Variants in SAMD4A observed in about 807,000 individuals in gnomAD.
SAMD4A encodes sterile alpha motif domain containing 4A, also known as protein Smaug homolog 1.
A neutral mutation model predicts 81.3 loss-of-function variants in SAMD4A; 33 were observed. That is an observed-to-expected ratio of 0.41 (90% CI 0.31 to 0.54). The LOEUF (loss-of-function observed/expected upper bound fraction) is 0.54. SAMD4A is among the 20% of genes least tolerant of loss of function. SAMD4A has a pLI of 0.37. For missense variants in SAMD4A, 854 were observed against 951.1 expected, an observed-to-expected ratio of 0.90 and a Z score of 1.34; for synonymous variants, 389 against 382.1, an observed-to-expected ratio of 1.02 and a Z score of -0.21.
At position 54,784,674 on chromosome 14, in the gene SAMD4A, G is replaced by A. The variant is rs2039088916; in HGVS notation, c.2128+54G>A. ...TGTCCCTGTTACCGTGTGCCTGGGAGAACTGGCCATCTGCTGTCTATACCG... is the reference window on the plus strand; with the variant it reads ...TGTCCCTGTTACCGTGTGCCTGGGAAAACTGGCCATCTGCTGTCTATACCG... On this transcript the variant is annotated intron_variant, in intron 12 of 12. Transcript: ENST00000554335. The A allele has an allele frequency of 2.7e-6, 4 of 1,487,544 alleles. No individual in the cohort carries two copies. In the Admixed American group the frequency reaches 6.7e-5, roughly 25 times the overall value. 92.1% of individuals were successfully genotyped at this position (1,487,544 alleles called of 1,614,324 possible).
chr14:54,702,577 A>C lies in SAMD4A; in HGVS notation c.712A>C (p.Thr238Pro). 1 of 1,613,718 alleles carries C rather than the reference A, an allele frequency of 6.2e-7. No homozygotes were observed. Among genetic ancestry groups the C allele is most frequent in the Non-Finnish European group, 8.5e-7 (1 of 1,179,688 alleles). ...TINTIGTSTS[T>P]ILSGQAHHSP... ...CAATACGATTGGAACCAGCACAAGT[A>C]CAAGTAAGTTCCCCGGAATCCCTTT... The change falls in exon 3 of 13, where the codon ACA becomes CCA. Residue 238 changes from threonine to proline, a missense_variant. Physicochemically the swap from Thr to Pro is conservative, Grantham distance 38. Around this residue, in one of 3 missense-constraint regions of SAMD4A, gnomAD observed 387 missense variants for 405.8 expected, o/e 0.95. Transcript: ENST00000554335.
chr14:54,601,255 GT>G (rs1415046162), intron 2 of SAMD4A, among the ~76,000 whole-genome samples: 1 of 152,072 alleles, frequency 6.6e-6, no homozygotes, highest in African/African-American at 2.4e-5. Flanking sequence ...TCTCATCTCT[GT>G]TTCCTGGTAG....
At position 54,789,376 on chromosome 14, in the gene SAMD4A, T is replaced by A. The variant is rs995215993; in HGVS notation, c.*432T>A. ...TTCACAGGCAGGCCACAGAAGGATATCGCGGGCACGTGCACCCAAAGCAAG... is the reference window on the plus strand; with the variant it reads ...TTCACAGGCAGGCCACAGAAGGATAACGCGGGCACGTGCACCCAAAGCAAG... On this transcript the variant is annotated 3_prime_UTR_variant, in exon 13 of 13. Coordinates refer to ENST00000554335, the MANE Select transcript of SAMD4A (RefSeq NM_015589.6). 9 of 193,844 alleles carry A rather than the reference T, an allele frequency of 4.6e-5. No individual in the cohort carries two copies. The East Asian group carries it at 8.1e-4, about 18-fold the overall frequency. 12.0% of individuals were successfully genotyped at this position (193,844 alleles called of 1,614,324 possible). A position where few individuals can be genotyped will look rare whatever the true frequency, so the allele number is the denominator to read the frequency against.
At chr14:54,756,171 A>T (rs920792321) in intron 6 of SAMD4A, among the ~76,000 whole-genome samples, 1 of 152,200 alleles carries the variant, frequency 6.6e-6, no homozygotes, top group African/African-American at 2.4e-5. Context: ...TATACTTTTT[A>T]AAAATGTTTC....
intron 2 of SAMD4A, among the ~76,000 whole-genome samples, chr14:54,571,393 T>C (rs993895971): frequency 1.3e-5 from 2 of 152,212 alleles, no homozygotes; most frequent in Non-Finnish European, 2.9e-5. Flanking sequence ...ACATTGAGAC[T>C]TCTGGCCAGT....
intron 2 of SAMD4A, among the ~76,000 whole-genome samples, chr14:54,604,387 G>A (rs1190183245): frequency 6.6e-6 from 1 of 152,228 alleles, no homozygotes; most frequent in Non-Finnish European, 1.5e-5. Context: ...CAGGTGATGG[G>A]AAGAGGCTCT....
chr14:54,681,427 CTTTA>C (rs1349374265), intron 2 of SAMD4A, among the ~76,000 whole-genome samples: 2 of 151,978 alleles, frequency 1.3e-5, no homozygotes, highest in African/African-American at 2.4e-5. Context: ...GATTATTTTA[CTTTA>C]TTTATTTTTC....
At chr14:54,746,177 T>C (rs2037963218) in intron 4 of SAMD4A, among the ~76,000 whole-genome samples, 1 of 152,196 alleles carries the variant, frequency 6.6e-6, no homozygotes, top group Non-Finnish European at 1.5e-5. Flanking sequence ...CTCACCACAA[T>C]CCAGAGGGTG....
In SAMD4A at chr14:54,685,360, C is replaced by T. The variant is rs961615326; in HGVS notation, c.197-16702C>T. Among the ~76,000 whole-genome samples, 12 of 149,726 alleles carry T rather than the reference C, an allele frequency of 8.0e-5. No homozygotes were observed. The East Asian group carries it at 2.1e-3, about 26-fold the overall frequency. ...ACAAGTGGAGTCATACAGCATTTGTCCTTTTGTGTCTAGCTTAATTAACTT... is the reference window on the plus strand; with the variant it reads ...ACAAGTGGAGTCATACAGCATTTGTTCTTTTGTGTCTAGCTTAATTAACTT... On this transcript the variant is annotated intron_variant, in intron 2 of 12. Coordinates refer to ENST00000554335, the MANE Select transcript of SAMD4A (RefSeq NM_015589.6).
intron 4 of SAMD4A, among the ~76,000 whole-genome samples, chr14:54,747,272 T>C (rs964233422): frequency 2.0e-5 from 3 of 152,360 alleles, no homozygotes; most frequent in African/African-American, 7.2e-5. Context: ...CCAATTTCAA[T>C]TCTCCAGAAA....
chr14:54,576,081 A>C (rs1444206714), intron 2 of SAMD4A, among the ~76,000 whole-genome samples: 1 of 133,562 alleles, frequency 7.5e-6, no homozygotes, highest in African/African-American at 3.0e-5. Flanking sequence ...AAGAGCAGGA[A>C]TGTTCATTCC....
chr14:54,675,884 G>C (rs567365969), intron 2 of SAMD4A, among the ~76,000 whole-genome samples: 1 of 152,204 alleles, frequency 6.6e-6, no homozygotes, highest in Admixed American at 6.5e-5. Context: ...GTCCTTGCTC[G>C]TGAGGTTTGG....
At position 54,775,655 on chromosome 14, in the gene SAMD4A, C is replaced by T. The variant is rs190245340; in HGVS notation, c.1917+520C>T. Among the ~76,000 whole-genome samples the T allele has an allele frequency of 2.7e-3, 408 of 152,182 alleles. 1 individual carries two copies. The highest frequency in any genetic ancestry group is 3.7e-3 in the Admixed American group (56 of 15,294). On this transcript the variant is annotated intron_variant, in intron 10 of 12. Coordinates refer to ENST00000554335, the MANE Select transcript of SAMD4A (RefSeq NM_015589.6). ...ACTTCTCTGGCCCGTCGCTCATACCCCTCTAGCCCCAGGCCCCACCCCTGC... is the reference window on the plus strand; with the variant it reads ...ACTTCTCTGGCCCGTCGCTCATACCTCTCTAGCCCCAGGCCCCACCCCTGC...
At chr14:54,681,859 C>A (rs1006065224) in intron 2 of SAMD4A, 1 of 985,126 alleles carries the variant, frequency 1.0e-6, no homozygotes, top group African/African-American at 1.7e-5. Context: ...AAAAGATAAG[C>A]GGTTTAAGTA....
chr14:54,645,878 A>G (rs1021300537), intron 2 of SAMD4A, among the ~76,000 whole-genome samples: 1 of 152,230 alleles, frequency 6.6e-6, no homozygotes, highest in Non-Finnish European at 1.5e-5. Flanking sequence ...GCCGTTTTTT[A>G]TATAGTCAGT....
rs2038811171 is a variant in SAMD4A at position 54,775,194 on chromosome 14, TGTCCCCCCAG to T, written c.1917+62_1917+71del. On this transcript the variant is annotated intron_variant, in intron 10 of 12. Transcript: ENST00000554335. ...CAAGCTCAAGGCCCAAGGCTGCAGA[TGTCCCCCCAG>T]GTGACCCCAGGGTGGGGAGAGAGGC... 14 of 1,602,878 alleles carry T rather than the reference TGTCCCCCCAG, an allele frequency of 8.7e-6. No homozygotes were observed. The South Asian group carries it at 1.5e-4, about 18-fold the overall frequency.
chr14:54,636,561 T>C (rs2035039727), intron 2 of SAMD4A, among the ~76,000 whole-genome samples: 1 of 152,134 alleles, frequency 6.6e-6, no homozygotes. Flanking sequence ...GGAAGACCTG[T>C]TGGAAGGCTG....
At chr14:54,730,250 C>A (rs1467890203) in intron 3 of SAMD4A, among the ~76,000 whole-genome samples, 1 of 152,220 alleles carries the variant, frequency 6.6e-6, no homozygotes, top group East Asian at 1.9e-4. Context: ...AGAATGCTTT[C>A]ATTTCAGTGC....
Position 54,567,739 on chromosome 14 carries a change from T to G in SAMD4A, c.-178T>G, listed in dbSNP as rs1208905456. The stretch of plus-strand genomic sequence containing the variant: ...TCAGCCAGAACCACCGGAACGTAAC[T>G]GAAACCAGACAAGAGAGGCAGGAGC... On this transcript the variant is annotated 5_prime_UTR_variant, in exon 2 of 13. Coordinates refer to ENST00000554335, the MANE Select transcript of SAMD4A (RefSeq NM_015589.6). 2.0e-6 allele frequency: 1 copy of G among 506,992 alleles called. No individual in the cohort carries two copies. The highest frequency in any genetic ancestry group is 2.1e-5 in the African/African-American group (1 of 48,610). The allele number at this position is 506,992 out of a possible 1,614,324, so 31.4% of individuals were successfully genotyped here.
Sources: allele counts gnomAD v4.1 joint callset (sites outside exome capture counted in the v4.1 genomes callset), GRCh38; gene constraint gnomAD v4.1.1; regional missense constraint gnomAD v4.1.1; transcripts MANE v1.5; gene names NCBI Gene and HGNC (gene_info 2026-07-23, HGNC 2026-07-21).